Variants in SYNJ2 observed in about 807,000 individuals in gnomAD.
SYNJ2 encodes polyphosphatidylinositol phosphatase SYNJ2.
A neutral mutation model predicts 141.3 loss-of-function variants in SYNJ2; 116 were observed. The observed-to-expected ratio is 0.82, with a 90% CI of 0.71 to 0.96. The LOEUF (loss-of-function observed/expected upper bound fraction) is 0.96, where lower values mean the gene tolerates loss of function less well. Among genes scored for constraint, SYNJ2 ranks in the 40% least tolerant of loss-of-function variants. The probability of loss-of-function intolerance (pLI) is 0.00; values close to 1 mark genes in which losing one functional copy is unlikely to be tolerated. For synonymous variants in SYNJ2, 745 were observed against 777.7 expected (o/e 0.96, Z 0.70); for missense variants, 1,873 against 1,934.8 (o/e 0.97, Z 0.60).
chr6:158,006,865 G>A (rs1037325838), intron 1 of SYNJ2, among the ~76,000 whole-genome samples: 5 of 143,750 alleles, frequency 3.5e-5, no homozygotes, highest in Non-Finnish European at 7.5e-5. Flanking sequence ...TGGAGGTGGG[G>A]TTTCACCATG....
chr6:158,084,254 G>A lies in SYNJ2; in HGVS notation c.3208+80G>A. 6.7e-7 allele frequency: 1 copy of A among 1,482,696 alleles called. No homozygotes were observed. Among genetic ancestry groups the A allele is most frequent in the East Asian group, 2.3e-5 (1 of 44,156 alleles). 91.8% of individuals were successfully genotyped at this position (1,482,696 alleles called of 1,614,324 possible). Reference sequence around the variant, plus strand: ...GACTTTCCTTTTTCTCTTGGCGATTGGGCACTGTGTGATATCAAGTATGCA... The same window carrying A: ...GACTTTCCTTTTTCTCTTGGCGATTAGGCACTGTGTGATATCAAGTATGCA... On this transcript the variant is annotated intron_variant, in intron 22 of 26. Coordinates refer to ENST00000355585, the MANE Select transcript of SYNJ2 (RefSeq NM_003898.4). The surrounding 1 kb of genome is among the most constrained non-coding windows in gnomAD (Gnocchi z 5.0).
intron 5 of SYNJ2, among the ~76,000 whole-genome samples, chr6:158,045,099 CTTTTTTTTTTTTTT>C (rs761042284): frequency 8.9e-6 from 1 of 112,284 alleles, no homozygotes; most frequent in Admixed American, 9.1e-5. Context: ...AGGGGTCCTC[CTTTTTTTTTTTTTT>C]TTTTTTTTTT....
intron 18 of SYNJ2, among the ~76,000 whole-genome samples, chr6:158,080,357 C>G (rs2128387289): frequency 6.6e-6 from 1 of 152,150 alleles, no homozygotes; most frequent in Middle Eastern, 3.4e-3. Context: ...CGCCTGTAAT[C>G]CCAGCTACTT....
At chr6:158,026,251 C>T (rs1779041414) in intron 2 of SYNJ2, among the ~76,000 whole-genome samples, 1 of 152,210 alleles carries the variant, frequency 6.6e-6, no homozygotes, top group Non-Finnish European at 1.5e-5. Flanking sequence ...TAATTAGGAG[C>T]ACCAGCTCTG....
chr6:158,095,737 A>C lies in SYNJ2; in HGVS notation c.3864A>C (p.Lys1288Asn). 1 of 1,614,032 alleles carries C rather than the reference A, an allele frequency of 6.2e-7. No homozygotes were observed. Among genetic ancestry groups the C allele is most frequent in the Non-Finnish European group, 8.5e-7 (1 of 1,179,982 alleles). ...CCCCTCGAGTCCCTCCTGTTCCCAA[A>C]CCAAGAACATTTCAGCCTGGGAAAG... ...VTAPRVPPVP[K>N]PRTFQPGKAA... is the part of the protein sequence containing the mutation. The change falls in exon 27 of 27, where the codon AAA becomes AAC. Residue 1288 changes from lysine (K) to asparagine (N), a missense_variant. Physicochemically the swap from Lys to Asn is moderately conservative, Grantham distance 94. Coordinates refer to ENST00000355585, the MANE Select transcript of SYNJ2 (RefSeq NM_003898.4).
At position 157,981,915 on chromosome 6, in the gene SYNJ2, T is replaced by G; in HGVS notation, c.-47T>G. The stretch of plus-strand genomic sequence containing the variant: ...GGGAGCTGTCGCGGGCAGCGCGCCC[T>G]CGGGAGGACGTGGCCCCGGCCCCCG... On this transcript the variant is annotated 5_prime_UTR_variant, in exon 1 of 27. Transcript: ENST00000355585. This position sits in a 1 kb window ranked among gnomAD's most constrained non-coding sequence, Gnocchi z 6.4. The G allele has an allele frequency of 8.2e-7, 1 of 1,220,560 alleles. No homozygotes were observed. Among genetic ancestry groups the G allele is most frequent in the Non-Finnish European group, 1.0e-6 (1 of 979,906 alleles). The allele number at this position is 1,220,560 out of a possible 1,614,324, so 75.6% of individuals were successfully genotyped here. A position where few individuals can be genotyped will look rare whatever the true frequency, so the allele number is the denominator to read the frequency against.
At chr6:158,067,553 G>T (rs1781644431) in intron 12 of SYNJ2, 3 of 985,414 alleles carry the variant, frequency 3.0e-6, no homozygotes, top group Non-Finnish European at 2.4e-6. Flanking sequence ...TCGGGCCTTG[G>T]TTTTTTTGTT....
At chr6:158,045,313 T>C (rs1367228190) in intron 5 of SYNJ2, among the ~76,000 whole-genome samples, 1 of 152,114 alleles carries the variant, frequency 6.6e-6, no homozygotes, top group African/African-American at 2.4e-5. Flanking sequence ...TTTCACCATG[T>C]TAGCCAGGCT....
chr6:158,049,488 G>A (rs1392917969), intron 5 of SYNJ2, among the ~76,000 whole-genome samples: 1 of 152,164 alleles, frequency 6.6e-6, no homozygotes, highest in African/African-American at 2.4e-5. Context: ...AGAACATGAG[G>A]CCCAGCTCCC....
chr6:158,096,736 T>C lies in SYNJ2; in HGVS notation c.*372T>C, dbSNP rs1474750002. 1 of 165,758 alleles carries C rather than the reference T, an allele frequency of 6.0e-6. No individual in the cohort carries two copies. Among genetic ancestry groups the C allele is most frequent in the Admixed American group, 6.1e-5 (1 of 16,320 alleles). 10.3% of individuals were successfully genotyped at this position (165,758 alleles called of 1,614,324 possible). On this transcript the variant is annotated 3_prime_UTR_variant, in exon 27 of 27. Coordinates refer to ENST00000355585, the MANE Select transcript of SYNJ2 (RefSeq NM_003898.4). ...TGATGGAGATTTGTCTTTTGTTTTA[T>C]TTGCATTTTACAGATTTGGTATAAC...
At chr6:158,074,769 A>C in intron 16 of SYNJ2, 31 bp downstream of exon 16, 3 of 1,607,480 alleles carry the variant, frequency 1.9e-6, no homozygotes, top group Non-Finnish European at 2.5e-6. Flanking sequence ...ATTTTTTAGC[A>C]GCTGCTCCAA....
intron 14 of SYNJ2, 55 bp downstream of exon 14, chr6:158,069,728 G>T: frequency 1.3e-6 from 2 of 1,530,088 alleles, no homozygotes; most frequent in Non-Finnish European, 1.8e-6. Context: ...TAGTCTTTGT[G>T]TTTTGTTCTT....
At chr6:158,082,684 G>A (rs1782775454) in intron 20 of SYNJ2, among the ~76,000 whole-genome samples, 2 of 152,130 alleles carry the variant, frequency 1.3e-5, no homozygotes, top group South Asian at 4.1e-4. Context: ...ACAGAATGGG[G>A]AAGAAGAATG....
chr6:158,077,650 T>TAAAAAAAAAAAAAAAA (rs56028079), intron 17 of SYNJ2: 1 of 128,208 alleles, frequency 7.8e-6, no homozygotes, highest in African/African-American at 2.9e-5. Flanking sequence ...AACTAGTACA[T>TAAAAAAAAAAAAAAAA]AAAAAAAAAA....
At chr6:158,049,141 C>T (rs1780417611) in intron 5 of SYNJ2, among the ~76,000 whole-genome samples, 1 of 152,178 alleles carries the variant, frequency 6.6e-6, no homozygotes, top group South Asian at 2.1e-4. Context: ...CCCCGACTAT[C>T]CTCATGGCTG....
chr6:157,988,169 G>T (rs1198529241), intron 1 of SYNJ2, among the ~76,000 whole-genome samples: 1 of 152,250 alleles, frequency 6.6e-6, no homozygotes, highest in Non-Finnish European at 1.5e-5. Flanking sequence ...CCAGGCCCGG[G>T]CGTTGGGGTG....
chr6:158,095,597 C>A (rs1470097626), intron 26 of SYNJ2, 21 bp from the exon 27 acceptor site: 3 of 1,567,420 alleles, frequency 1.9e-6, no homozygotes, highest in Middle Eastern at 1.7e-4. Flanking sequence ...TATTTACACT[C>A]TTTGTCCCAC....
At position 158,097,158 on chromosome 6, in the gene SYNJ2, C is replaced by T. The variant is rs1783836301; in HGVS notation, c.*794C>T. 1 of 152,226 alleles carries T rather than the reference C, an allele frequency of 6.6e-6. No homozygotes were observed. The highest frequency in any genetic ancestry group is 6.5e-5 in the Admixed American group (1 of 15,284). 9.4% of individuals were successfully genotyped at this position (152,226 alleles called of 1,614,324 possible). A position where few individuals can be genotyped will look rare whatever the true frequency, so the allele number is the denominator to read the frequency against. ...CTTATTAAATGAAACCTCACGGATC[C>T]TTTGTTCCGCTTATATTCCATGCAT... On this transcript the variant is annotated 3_prime_UTR_variant, in exon 27 of 27. Coordinates refer to ENST00000355585, the MANE Select transcript of SYNJ2 (RefSeq NM_003898.4).
At chr6:158,014,482 C>T (rs2128326352) in intron 1 of SYNJ2, among the ~76,000 whole-genome samples, 1 of 152,260 alleles carries the variant, frequency 6.6e-6, no homozygotes, top group East Asian at 1.9e-4. Flanking sequence ...GCTTCAGTAT[C>T]TGCTGGTAAC....
Sources: gnomAD v4.1 joint callset for allele counts (sites outside exome capture counted in the v4.1 genomes callset) on GRCh38, gnomAD v4.1.1 for gene constraint, Gnocchi (gnomAD v3.1) non-coding constraint, MANE v1.5 for transcripts, NCBI Gene and HGNC (gene_info 2026-07-23, HGNC 2026-07-21) for gene names.